Variants in WAC observed in about 807,000 individuals in gnomAD.
The protein encoded by WAC is WW domain containing adaptor with coiled-coil.
A neutral mutation model predicts 79.6 loss-of-function variants in WAC; 11 were observed. The ratio of observed to expected loss-of-function variants is 0.14; its 90% CI spans 0.09 to 0.23. The LOEUF (loss-of-function observed/expected upper bound fraction) is 0.23. Ranked by LOEUF, WAC falls within the 10% of genes least tolerant of loss-of-function variation. WAC has a pLI of 1.00. For missense variants in WAC, 728 were observed against 773.5 expected, an observed-to-expected ratio of 0.94 and a Z score of 0.70; for synonymous variants, 304 against 276.9, an observed-to-expected ratio of 1.10 and a Z score of -0.97.
chr10:28,603,959 A>ATGTGTATATATATATATATATATATATG (rs778809998), intron 7 of WAC, among the ~76,000 whole-genome samples: 4 of 6,250 alleles, frequency 6.4e-4, no homozygotes, highest in Non-Finnish European at 1.1e-3. Flanking sequence ...ATATGTATGT[A>ATGTGTATATATATATATATATATATATG]TGTATATATA....
At chr10:28,592,349 T>C (rs1165488161) in intron 6 of WAC, among the ~76,000 whole-genome samples, 1 of 151,938 alleles carries the variant, frequency 6.6e-6, no homozygotes, top group African/African-American at 2.4e-5. Flanking sequence ...GATGGCTGGG[T>C]GTGATGGCTC....
chr10:28,587,175 C>G lies in WAC; in HGVS notation c.382-2561C>G, dbSNP rs1589203874. ...TAAAAATTAAAACTGGGAAATTATTCATTTCATTTAAAATATCAATTGTAA... is the reference window on the plus strand; with the variant it reads ...TAAAAATTAAAACTGGGAAATTATTGATTTCATTTAAAATATCAATTGTAA... On this transcript the variant is annotated intron_variant, in intron 4 of 13. Coordinates refer to ENST00000354911, the MANE Select transcript of WAC (RefSeq NM_016628.5). 1.3e-5 allele frequency among the ~76,000 whole-genome samples: 2 copies of G among 151,482 alleles called. 1 individual carries two copies. Among genetic ancestry groups the G allele is most frequent in the East Asian group, 3.9e-4 (2 of 5,156 alleles).
At chr10:28,559,352 A>G (rs1838183527) in intron 3 of WAC, among the ~76,000 whole-genome samples, 1 of 152,156 alleles carries the variant, frequency 6.6e-6, no homozygotes, top group African/African-American at 2.4e-5. Flanking sequence ...CTAGGCAGAG[A>G]ACAGTAAATG....
chr10:28,577,014 A>G (rs577357043), intron 3 of WAC, among the ~76,000 whole-genome samples: 1 of 152,264 alleles, frequency 6.6e-6, no homozygotes, highest in Middle Eastern at 3.4e-3. Context: ...CTTAGTAGCT[A>G]TGTGTGGCCA....
intron 3 of WAC, among the ~76,000 whole-genome samples, chr10:28,543,708 A>G (rs1047468584): frequency 2.0e-5 from 3 of 152,262 alleles, no homozygotes; most frequent in African/African-American, 7.2e-5. Context: ...TTGTTAGTAC[A>G]CGCTCATTGT....
At chr10:28,544,308 A>G (rs1837235778) in intron 3 of WAC, among the ~76,000 whole-genome samples, 1 of 152,244 alleles carries the variant, frequency 6.6e-6, no homozygotes, top group African/African-American at 2.4e-5. Context: ...GACTAGAAGT[A>G]GTTTTCATTT....
intron 7 of WAC, among the ~76,000 whole-genome samples, chr10:28,600,514 G>A (rs903552584): frequency 3.3e-5 from 5 of 152,026 alleles, no homozygotes; most frequent in African/African-American, 1.2e-4. Context: ...TAGAAAGATT[G>A]GCCATAGTTA....
chr10:28,585,777 G>GT (rs1217364203), intron 4 of WAC, among the ~76,000 whole-genome samples: 132 of 148,622 alleles, frequency 8.9e-4, no homozygotes, highest in African/African-American at 2.6e-3. Flanking sequence ...TGTGGGCATT[G>GT]TTTTTTTTTT....
chr10:28,572,970 T>C (rs527729549), intron 3 of WAC, among the ~76,000 whole-genome samples: 3 of 152,300 alleles, frequency 2.0e-5, no homozygotes, highest in East Asian at 3.9e-4. Flanking sequence ...CAATATCTTA[T>C]TTGACAAGTG....
At chr10:28,602,316 T>C (rs543234567) in intron 7 of WAC, among the ~76,000 whole-genome samples, 1 of 152,350 alleles carries the variant, frequency 6.6e-6, no homozygotes, top group South Asian at 2.1e-4. Flanking sequence ...TTCTTTGTTG[T>C]AAAACAGCAT....
At chr10:28,574,293 A>C (rs779029222) in intron 3 of WAC, among the ~76,000 whole-genome samples, 1 of 152,084 alleles carries the variant, frequency 6.6e-6, no homozygotes, top group Non-Finnish European at 1.5e-5. Flanking sequence ...GATTACAGGC[A>C]TGCGTCACCA....
chr10:28,583,551 G>GT, intron 4 of WAC, 46 bp downstream of exon 4: 2 of 874,386 alleles, frequency 2.3e-6, no homozygotes, highest in Non-Finnish European at 1.5e-6. Flanking sequence ...GGAATTTTTT[G>GT]CAAAAAAAAA....
At chr10:28,577,475 G>A (rs1449227396) in intron 3 of WAC, among the ~76,000 whole-genome samples, 4 of 152,030 alleles carry the variant, frequency 2.6e-5, no homozygotes, top group African/African-American at 9.7e-5. Context: ...TTTTTAATAT[G>A]CAGTTTTGCA....
chr10:28,596,538 G>C (rs192580611), intron 7 of WAC, among the ~76,000 whole-genome samples: 320 of 152,334 alleles, frequency 2.1e-3, no homozygotes, highest in Non-Finnish European at 2.6e-3. Flanking sequence ...AGTCTGAAGA[G>C]TGGAAGTTAA....
At chr10:28,571,815 G>T (rs907922669) in intron 3 of WAC, among the ~76,000 whole-genome samples, 2 of 152,086 alleles carry the variant, frequency 1.3e-5, no homozygotes, top group African/African-American at 4.8e-5. Context: ...TTTGCCTTCT[G>T]TTCTTGTAAC....
chr10:28,563,866 TG>T (rs1281714712), intron 3 of WAC, among the ~76,000 whole-genome samples: 1 of 150,726 alleles, frequency 6.6e-6, no homozygotes, highest in Non-Finnish European at 1.5e-5. Context: ...CCCAAAGTGC[TG>T]GAATTAAAAG....
chr10:28,596,849 C>T (rs1420892721), intron 7 of WAC, among the ~76,000 whole-genome samples: 1 of 152,114 alleles, frequency 6.6e-6, no homozygotes, highest in Admixed American at 6.5e-5. Flanking sequence ...TACATTAATT[C>T]ACATTGATTC....
chr10:28,611,704 A>G, intron 9 of WAC, 70 bp from the exon 10 acceptor site: 1 of 1,556,776 alleles, frequency 6.4e-7, no homozygotes, highest in Non-Finnish European at 8.7e-7. Flanking sequence ...TGCCACATAT[A>G]TTACAAAGGA....
At chr10:28,590,994 T>C in intron 6 of WAC, 162 bp downstream of exon 6, 1 of 642,226 alleles carries the variant, frequency 1.6e-6, no homozygotes, top group Non-Finnish European at 2.7e-6. Flanking sequence ...TTTTGGTCCC[T>C]GAAAAGGGAA....
Sources: gnomAD v4.1 joint callset for allele counts (sites outside exome capture counted in the v4.1 genomes callset) on GRCh38, gnomAD v4.1.1 for gene constraint, MANE v1.5 for transcripts, NCBI Gene and HGNC (gene_info 2026-07-23, HGNC 2026-07-21) for gene names.